Variants in EPHB2 observed in about 807,000 individuals in gnomAD.
EPHB2 encodes the protein EPH receptor B2, also known as ephrin type-B receptor 2.
In EPHB2, 18 loss-of-function variants were observed where a neutral mutation model predicts 96.4. The ratio of observed to expected loss-of-function variants is 0.19; its 90% CI spans 0.13 to 0.28. EPHB2 has a LOEUF of 0.28. Among genes scored for constraint, EPHB2 ranks in the 10% least tolerant of loss-of-function variants. EPHB2 has a pLI of 1.00. For synonymous variants in EPHB2, 506 were observed against 534.1 expected (o/e 0.95, Z 0.72); for missense variants, 989 against 1,355.4 (o/e 0.73, Z 4.25).
At chr1:22,856,438 G>A (rs1038022946) in intron 3 of EPHB2, among the ~76,000 whole-genome samples, 2 of 152,124 alleles carry the variant, frequency 1.3e-5, no homozygotes, top group African/African-American at 4.8e-5. Flanking sequence ...TGGCTGCTTC[G>A]AGCCCTGAGA....
At position 22,775,222 on chromosome 1, in the gene EPHB2, C is replaced by T. The variant is rs762900385; in HGVS notation, c.62-6199C>T. The T allele has an allele frequency of 2.1e-5, 16 of 779,664 alleles. No homozygotes were observed. The South Asian group carries it at 2.1e-4, about 10-fold the overall frequency. 48.3% of individuals were successfully genotyped at this position (779,664 alleles called of 1,614,324 possible). A position where few individuals can be genotyped will look rare whatever the true frequency, so the allele number is the denominator to read the frequency against. ...GATGGATGTGGGTTCCAGTCCTAGC[C>T]CTGCCTGTGTGCACTTATGCAGGTT... On this transcript the variant is annotated intron_variant, in intron 1 of 15. Transcript: ENST00000374630.
intron 5 of EPHB2, among the ~76,000 whole-genome samples, chr1:22,866,990 C>T (rs1638501130): frequency 6.6e-6 from 1 of 152,266 alleles, no homozygotes; most frequent in South Asian, 2.1e-4. Context: ...AGGGGTGTTT[C>T]CATGCATGAC....
chr1:22,861,087 T>C (rs1638230565), intron 3 of EPHB2, among the ~76,000 whole-genome samples: 2 of 152,334 alleles, frequency 1.3e-5, no homozygotes, highest in Non-Finnish European at 2.9e-5. Flanking sequence ...ACCAGATGGC[T>C]TAGTACTGCC....
intron 1 of EPHB2, among the ~76,000 whole-genome samples, chr1:22,763,521 G>A (rs1644264120): frequency 6.6e-6 from 1 of 152,028 alleles, no homozygotes. Context: ...GTCAACTAAA[G>A]TGGCCAGGCC....
chr1:22,901,531 G>A (rs571279531), intron 9 of EPHB2, among the ~76,000 whole-genome samples: 18 of 152,310 alleles, frequency 1.2e-4, no homozygotes, highest in Admixed American at 5.2e-4. Context: ...GCCGACACCC[G>A]TAAATCATCC....
chr1:22,776,577 G>T (rs2817914), intron 1 of EPHB2, among the ~76,000 whole-genome samples: 3,668 of 152,292 alleles, frequency 0.024, 168 homozygotes, highest in African/African-American at 0.084. Flanking sequence ...GAAGTGAAAT[G>T]ATGTTCCGTA....
Position 22,913,390 on chromosome 1 carries a change from A to T in EPHB2, c.2853-72A>T. On this transcript the variant is annotated intron_variant, in intron 15 of 15. Coordinates refer to ENST00000374630, the MANE Select transcript of EPHB2 (RefSeq NM_017449.5). This position sits in a 1 kb window ranked among gnomAD's most constrained non-coding sequence, Gnocchi z 4.1. ...TGCCATCTTCCTCCCGGGGAAGCCC[A>T]GGCAGCTCTCTACCAGGCACAGGAC... 6.3e-7 allele frequency: 1 copy of T among 1,577,422 alleles called. No individual in the cohort carries two copies. The highest frequency in any genetic ancestry group is 8.6e-7 in the Non-Finnish European group (1 of 1,159,420).
intron 3 of EPHB2, among the ~76,000 whole-genome samples, chr1:22,798,045 C>T (rs1245380681): frequency 1.3e-5 from 2 of 152,190 alleles, no homozygotes; most frequent in Non-Finnish European, 2.9e-5. Flanking sequence ...CACTGTGTTC[C>T]CCAACTGCCT....
In EPHB2 at chr1:22,912,483, C is replaced by T. The variant is rs1640137585; in HGVS notation, c.2736C>T (p.Tyr912=). 2 of 1,614,210 alleles carry T rather than the reference C, an allele frequency of 1.2e-6. No homozygotes were observed. Among genetic ancestry groups the T allele is most frequent in the Non-Finnish European group, 1.7e-6 (2 of 1,180,046 alleles). The stretch of plus-strand genomic sequence containing the variant: ...TGCTGGACCGCACGATCCCCGACTA[C>T]ACCAGCTTTAACACGGTGGACGAGT... The part of the protein sequence containing the change: ...LPLLDRTIPD[Y]TSFNTVDEWL... Residue 912 remains tyrosine, a synonymous_variant, in exon 15 of 16, where the codon TAC becomes TAT. Transcript: ENST00000374630.
chr1:22,894,033 A>G (rs1174839948), intron 7 of EPHB2, among the ~76,000 whole-genome samples: 3 of 152,158 alleles, frequency 2.0e-5, no homozygotes, highest in African/African-American at 7.2e-5. Context: ...CTTATCACAA[A>G]AATCCTCCCT....
intron 1 of EPHB2, among the ~76,000 whole-genome samples, chr1:22,719,295 G>T (rs200573139): frequency 6.6e-6 from 1 of 152,130 alleles, no homozygotes; most frequent in African/African-American, 2.4e-5. Flanking sequence ...AATATGACTC[G>T]CCCAAAGCCA....
chr1:22,716,136 C>T (rs748375506), intron 1 of EPHB2, among the ~76,000 whole-genome samples: 12 of 152,198 alleles, frequency 7.9e-5, no homozygotes, highest in African/African-American at 2.9e-4. Flanking sequence ...CCTCTTTCTC[C>T]AGAGCCCCAT....
chr1:22,797,819 TCCCTCCCGCTCTCTAGG>T (rs1644788721), intron 3 of EPHB2, among the ~76,000 whole-genome samples: 1 of 152,008 alleles, frequency 6.6e-6, no homozygotes, highest in African/African-American at 2.4e-5. Flanking sequence ...GTTTCCTCCT[TCCCTCCCGCTCTCTAGG>T]CACTCTGACC....
intron 1 of EPHB2, among the ~76,000 whole-genome samples, chr1:22,732,337 G>T (rs1007017233): frequency 6.6e-6 from 1 of 151,868 alleles, no homozygotes; most frequent in African/African-American, 2.4e-5. Context: ...CAGAGAAGGT[G>T]GGGGTGGAAA....
chr1:22,720,954 A>G (rs1347973223), intron 1 of EPHB2, among the ~76,000 whole-genome samples: 1 of 152,056 alleles, frequency 6.6e-6, no homozygotes, highest in South Asian at 2.1e-4. Context: ...GGGGCAGGTC[A>G]CTTCACCCCT....
intron 1 of EPHB2, among the ~76,000 whole-genome samples, chr1:22,720,459 C>A (rs1474026127): frequency 2.6e-5 from 4 of 152,206 alleles, no homozygotes; most frequent in Non-Finnish European, 5.9e-5. Context: ...CCCGCCCCTG[C>A]ACCCTGTTGT....
chr1:22,805,301 C>T (rs1236727036), intron 3 of EPHB2, among the ~76,000 whole-genome samples: 3 of 152,070 alleles, frequency 2.0e-5, no homozygotes, highest in Admixed American at 6.5e-5. Flanking sequence ...GTCTCTGAGC[C>T]GTACGCAGTC....
intron 1 of EPHB2, among the ~76,000 whole-genome samples, chr1:22,748,638 C>G (rs979798206): frequency 6.6e-6 from 1 of 151,662 alleles, no homozygotes; most frequent in Non-Finnish European, 1.5e-5. Flanking sequence ...CCTCGGCCTC[C>G]CAAAGTGCTG....
At chr1:22,750,043 C>T (rs990369759) in intron 1 of EPHB2, among the ~76,000 whole-genome samples, 3 of 152,194 alleles carry the variant, frequency 2.0e-5, no homozygotes, top group African/African-American at 7.2e-5. Flanking sequence ...AATAAGCCCC[C>T]AAGGCCCCCT....
Sources: gnomAD v4.1 joint callset for allele counts (sites outside exome capture counted in the v4.1 genomes callset) on GRCh38, gnomAD v4.1.1 for gene constraint, Gnocchi (gnomAD v3.1) non-coding constraint, MANE v1.5 for transcripts, NCBI Gene and HGNC (gene_info 2026-07-23, HGNC 2026-07-21) for gene names.